ACVR1B: variants seen among roughly 807,000 people sequenced by gnomAD.
ACVR1B encodes activin A receptor type 1B, also known as activin receptor type-1B.
Under a neutral mutation model 55.6 loss-of-function variants are expected in ACVR1B, and 15 were observed. The ratio of observed to expected loss-of-function variants is 0.27; its 90% confidence interval spans 0.18 to 0.42. The LOEUF (loss-of-function observed/expected upper bound fraction) is 0.42. Ranked by LOEUF, ACVR1B falls within the 10% of genes least tolerant of loss-of-function variation. The pLI is 1.00. For missense variants in ACVR1B, 359 were observed against 670.1 expected (o/e 0.54, Z 5.13); for synonymous variants, 247 against 254.6 (o/e 0.97, Z 0.28).
chr12:51,953,863 A>G (rs1347551947), intron 1 of ACVR1B, among the ~76,000 whole-genome samples: 2 of 152,172 alleles, frequency 1.3e-5, no homozygotes, highest in African/African-American at 4.8e-5. Flanking sequence ...GTGGGGGTTA[A>G]GGTGGGTGAG....
rs1188953896 is a variant in ACVR1B, at chr12:51,994,948, CCAGCATCAGCA to C, written c.*843_*853del. On this transcript the variant is annotated 3_prime_UTR_variant, in exon 9 of 9. Coordinates refer to ENST00000257963, the MANE Select transcript of ACVR1B (RefSeq NM_004302.5). The surrounding 1 kb of genome is among the most constrained non-coding windows in gnomAD (Gnocchi z 4.2). The stretch of plus-strand genomic sequence containing the variant: ...TGTCTGGCAGGCTACTCTGCCCACC[CCAGCATCAGCA>C]CAGCTCTCCTCCTCCATCTCAGACT... The C allele has an allele frequency of 6.5e-6, 1 of 152,934 alleles. No individual in the cohort carries two copies. The highest frequency in any genetic ancestry group is 1.9e-4 in the East Asian group (1 of 5,188). 9.5% of individuals were successfully genotyped at this position (152,934 alleles called of 1,614,324 possible). A position where few individuals can be genotyped will look rare whatever the true frequency, so the allele number is the denominator to read the frequency against.
At chr12:51,970,065 C>T (rs1381165105) in intron 1 of ACVR1B, among the ~76,000 whole-genome samples, 5 of 152,158 alleles carry the variant, frequency 3.3e-5, no homozygotes, top group African/African-American at 1.2e-4. Context: ...AGATGAACTG[C>T]AGGAAGACAT....
intron 1 of ACVR1B, among the ~76,000 whole-genome samples, chr12:51,954,146 G>A (rs1565607583): frequency 6.6e-6 from 1 of 152,182 alleles, no homozygotes; most frequent in Non-Finnish European, 1.5e-5. Context: ...ACGTGGGCTG[G>A]AGGAGTGACA....
Position 51,976,555 on chromosome 12 carries a change from C to G in ACVR1B, c.560C>G (p.Ser187Cys). ...CTCCAGGATCTTGTCTACGATCTCT[C>G]CACCTCAGGGTCTGGCTCAGGTACC... ...KTLQDLVYDL[S>C]TSGSGSGLPL... Residue 187 changes from serine to cysteine, a missense_variant, in exon 3 of 9, where the codon TCC becomes TGC. Ser to Cys is a moderately radical substitution (Grantham distance 112). Transcript: ENST00000257963. 6.2e-7 allele frequency: 1 copy of G among 1,613,512 alleles called. No individual in the cohort carries two copies. Among genetic ancestry groups the G allele is most frequent in the South Asian group, 1.1e-5 (1 of 91,050 alleles).
rs1014965429 is a variant in ACVR1B at position 51,975,593 on chromosome 12, T to C, written c.331+89T>C. On this transcript the variant is annotated intron_variant, in intron 2 of 8. Coordinates refer to ENST00000257963, the MANE Select transcript of ACVR1B (RefSeq NM_004302.5). Reference sequence around the variant, plus strand: ...TTTTTTCTACTCTTGCCCACTCACTTGGTTTGACGATAAAGATGCCTTTTG... The same window carrying C: ...TTTTTTCTACTCTTGCCCACTCACTCGGTTTGACGATAAAGATGCCTTTTG... The C allele has an allele frequency of 3.7e-5, 55 of 1,494,194 alleles. 1 individual carries two copies. In the South Asian group the frequency reaches 6.9e-4, roughly 19 times the overall value. 92.6% of individuals were successfully genotyped at this position (1,494,194 alleles called of 1,614,324 possible).
intron 1 of ACVR1B, among the ~76,000 whole-genome samples, chr12:51,962,155 G>T (rs908653977): frequency 2.0e-5 from 3 of 152,306 alleles, no homozygotes; most frequent in Non-Finnish European, 2.9e-5. Flanking sequence ...TTTGTAGAAT[G>T]GATATAGTGT....
rs574664905 is a variant in ACVR1B at position 51,989,709 on chromosome 12, G to A, written c.1262-2154G>A. Among the ~76,000 whole-genome samples, 9 of 152,258 alleles carry A rather than the reference G, an allele frequency of 5.9e-5. No homozygotes were observed. The East Asian group carries it at 1.5e-3, about 26-fold the overall frequency. The stretch of plus-strand genomic sequence containing the variant: ...ACTTTAAAAAATGAACATTAGGCCG[G>A]GCGCGGTGGCTCATGCCTGTAATCT... On this transcript the variant is annotated intron_variant, in intron 7 of 8. Transcript: ENST00000257963.
chr12:51,979,194 G>A (rs1211517916), intron 3 of ACVR1B, among the ~76,000 whole-genome samples: 1 of 145,504 alleles, frequency 6.9e-6, no homozygotes, highest in South Asian at 2.2e-4. Context: ...GGCCAGGCAC[G>A]GTGGCTCACA....
intron 1 of ACVR1B, among the ~76,000 whole-genome samples, chr12:51,955,259 G>C (rs1406195655): frequency 2.0e-5 from 3 of 152,228 alleles, no homozygotes; most frequent in African/African-American, 7.2e-5. Flanking sequence ...AGTACAGGAA[G>C]AACCTGCACT....
intron 1 of ACVR1B, among the ~76,000 whole-genome samples, chr12:51,960,509 A>G (rs1440522584): frequency 6.6e-6 from 1 of 152,182 alleles, no homozygotes; most frequent in East Asian, 1.9e-4. Context: ...CAATTGTAAT[A>G]AAAGCATCTG....
chr12:51,981,892 C>G lies in ACVR1B; in HGVS notation c.811+693C>G, dbSNP rs12322790. ...AAAAAATCCCTAGGATGAGGAATTG[C>G]GGCCTCAACCCTGGCAAGGAGGATA... On this transcript the variant is annotated intron_variant, in intron 4 of 8. Transcript: ENST00000257963. 5.4e-3 allele frequency among the ~76,000 whole-genome samples: 825 copies of G among 152,060 alleles called. 6 individuals carry two copies. The highest frequency in any genetic ancestry group is 0.019 in the African/African-American group (781 of 41,472).
At chr12:51,969,904 T>A (rs368183866) in intron 1 of ACVR1B, among the ~76,000 whole-genome samples, 46 of 152,146 alleles carry the variant, frequency 3.0e-4, no homozygotes, top group African/African-American at 9.4e-4. Context: ...TCTAAGAAAA[T>A]TTTTTAAAAA....
chr12:51,981,857 A>AG (rs2120669597), intron 4 of ACVR1B, among the ~76,000 whole-genome samples: 1 of 152,244 alleles, frequency 6.6e-6, no homozygotes, highest in East Asian at 1.9e-4. Flanking sequence ...TCAAAAAAAA[A>AG]AAAAGAAAAA....
intron 1 of ACVR1B, among the ~76,000 whole-genome samples, chr12:51,959,831 G>T (rs993263271): frequency 6.6e-6 from 1 of 151,956 alleles, no homozygotes; most frequent in African/African-American, 2.4e-5. Context: ...AGGGGAGAGG[G>T]GATTGTGGAT....
At chr12:51,974,454 C>T (rs750816026) in intron 1 of ACVR1B, among the ~76,000 whole-genome samples, 64 of 152,198 alleles carry the variant, frequency 4.2e-4, no homozygotes, top group Admixed American at 5.2e-4. Flanking sequence ...AGTTACCCAG[C>T]AAAACTCATT....
At chr12:51,959,943 A>C (rs1365428452) in intron 1 of ACVR1B, 2 of 151,014 alleles carry the variant, frequency 1.3e-5, no homozygotes, top group Admixed American at 1.3e-4. Context: ...TAGAGGACTC[A>C]CCTTGCCCCA....
intron 1 of ACVR1B, among the ~76,000 whole-genome samples, chr12:51,969,507 G>T (rs1394503372): frequency 6.6e-6 from 1 of 152,146 alleles, no homozygotes. Context: ...ATAAAAGTGG[G>T]CTACTGAATC....
At chr12:51,955,691 G>A (rs991336925) in intron 1 of ACVR1B, among the ~76,000 whole-genome samples, 1 of 152,156 alleles carries the variant, frequency 6.6e-6, no homozygotes, top group African/African-American at 2.4e-5. Flanking sequence ...CAGTTCTTGT[G>A]TTAGCTGTTG....
intron 7 of ACVR1B, among the ~76,000 whole-genome samples, chr12:51,990,397 C>T (rs1942168845): frequency 6.7e-6 from 1 of 149,772 alleles, no homozygotes; most frequent in Non-Finnish European, 1.5e-5. Flanking sequence ...TCACTGTAGC[C>T]TCCACCTCTC....
Sources: gnomAD v4.1 joint callset for allele counts (sites outside exome capture counted in the v4.1 genomes callset) on GRCh38, gnomAD v4.1.1 for gene constraint, Gnocchi (gnomAD v3.1) non-coding constraint, MANE v1.5 for transcripts, NCBI Gene and HGNC (gene_info 2026-07-23, HGNC 2026-07-21) for gene names.